SPOCK1: variants seen among roughly 807,000 people sequenced by gnomAD.
SPOCK1 encodes testican-1.
Under a neutral mutation model 55.3 loss-of-function variants are expected in SPOCK1, and 23 were observed. That is an observed-to-expected ratio of 0.42 (90% CI 0.30 to 0.59). SPOCK1 has a LOEUF of 0.59. Among genes scored for constraint, SPOCK1 ranks in the 20% least tolerant of loss-of-function variants. SPOCK1 has a pLI of 0.22. For synonymous variants in SPOCK1, 226 were observed against 221.0 expected (o/e 1.02, Z -0.20); for missense variants, 499 against 552.5 (o/e 0.90, Z 0.97).
At chr5:137,432,108 TAAC>T (rs1489597328) in intron 2 of SPOCK1, among the ~76,000 whole-genome samples, 1 of 152,004 alleles carries the variant, frequency 6.6e-6, no homozygotes, top group East Asian at 1.9e-4. Flanking sequence ...ACCCAGAAAA[TAAC>T]AAGTGTTGGT....
At chr5:137,149,422 T>A (rs946213899) in intron 3 of SPOCK1, among the ~76,000 whole-genome samples, 3 of 152,182 alleles carry the variant, frequency 2.0e-5, no homozygotes, top group African/African-American at 7.2e-5. Flanking sequence ...ATAATTGACA[T>A]AAATTATTCA....
intron 3 of SPOCK1, among the ~76,000 whole-genome samples, chr5:137,228,753 C>T (rs1755996597): frequency 6.6e-6 from 1 of 152,142 alleles, no homozygotes; most frequent in African/African-American, 2.4e-5. Flanking sequence ...TTAAAAATCA[C>T]CTCCAAGAAT....
At chr5:137,423,205 G>A (rs1024105970) in intron 2 of SPOCK1, among the ~76,000 whole-genome samples, 1 of 152,228 alleles carries the variant, frequency 6.6e-6, no homozygotes, top group African/African-American at 2.4e-5. Flanking sequence ...ACTGGGGGGT[G>A]CCTCCCAGTT....
At chr5:137,497,889 T>C (rs2149847188) in intron 2 of SPOCK1, among the ~76,000 whole-genome samples, 1 of 150,488 alleles carries the variant, frequency 6.6e-6, no homozygotes, top group South Asian at 2.1e-4. Flanking sequence ...CTCCCATAAA[T>C]AGCTCCCCCA....
chr5:137,135,504 GT>G (rs1249724406), intron 4 of SPOCK1, among the ~76,000 whole-genome samples: 3 of 152,180 alleles, frequency 2.0e-5, no homozygotes, highest in African/African-American at 7.2e-5. Flanking sequence ...ATAGCACAAG[GT>G]TGTAATAAAA....
At chr5:137,421,951 A>G (rs1429402366) in intron 2 of SPOCK1, among the ~76,000 whole-genome samples, 1 of 152,004 alleles carries the variant, frequency 6.6e-6, no homozygotes, top group Non-Finnish European at 1.5e-5. Flanking sequence ...GTTCCTTTCC[A>G]TGTTTAGTGC....
At chr5:137,287,388 C>G (rs1207499059) in intron 2 of SPOCK1, among the ~76,000 whole-genome samples, 1 of 152,184 alleles carries the variant, frequency 6.6e-6, no homozygotes, top group Non-Finnish European at 1.5e-5. Context: ...TGCCTCAGGG[C>G]TCGACGAGAC....
intron 2 of SPOCK1, among the ~76,000 whole-genome samples, chr5:137,347,039 C>CCA (rs2127158947): frequency 1.3e-5 from 2 of 152,252 alleles, no homozygotes; most frequent in Admixed American, 1.3e-4. Context: ...CTCAAAGGCA[C>CCA]CACTTACCTC....
chr5:137,225,926 C>T (rs1365258401), intron 3 of SPOCK1, among the ~76,000 whole-genome samples: 2 of 152,200 alleles, frequency 1.3e-5, no homozygotes, highest in Non-Finnish European at 2.9e-5. Flanking sequence ...TAGGTCTCCC[C>T]CCAGAGAGCA....
chr5:137,311,322 G>T (rs1057079510), intron 2 of SPOCK1, among the ~76,000 whole-genome samples: 1 of 152,140 alleles, frequency 6.6e-6, no homozygotes, highest in Non-Finnish European at 1.5e-5. Flanking sequence ...TGGGAAGGAG[G>T]GTGACTGCAA....
intron 4 of SPOCK1, among the ~76,000 whole-genome samples, chr5:137,130,442 C>A (rs1270789717): frequency 6.6e-6 from 1 of 152,168 alleles, no homozygotes; most frequent in Non-Finnish European, 1.5e-5. Flanking sequence ...ATTAATGATC[C>A]ATAACCCACA....
chr5:137,187,978 A>G (rs1755107138), intron 3 of SPOCK1, among the ~76,000 whole-genome samples: 2 of 152,212 alleles, frequency 1.3e-5, no homozygotes, highest in Admixed American at 1.3e-4. Flanking sequence ...TTAGAAGGTT[A>G]TCCTTCCACC....
intron 2 of SPOCK1, among the ~76,000 whole-genome samples, chr5:137,483,896 T>C (rs1029054643): frequency 2.0e-5 from 3 of 152,230 alleles, no homozygotes; most frequent in Non-Finnish European, 4.4e-5. Context: ...TCGTTCATGA[T>C]GCTGAGACAG....
chr5:136,994,122 T>C (rs985785189), intron 6 of SPOCK1, among the ~76,000 whole-genome samples: 3 of 152,176 alleles, frequency 2.0e-5, no homozygotes, highest in Non-Finnish European at 4.4e-5. Context: ...CTGGGGACTC[T>C]CATTTACGAC....
At chr5:137,200,092 T>C (rs1755397833) in intron 3 of SPOCK1, among the ~76,000 whole-genome samples, 1 of 152,202 alleles carries the variant, frequency 6.6e-6, no homozygotes, top group Admixed American at 6.5e-5. Context: ...TGTGATCCCA[T>C]GATATCACTC....
intron 2 of SPOCK1, among the ~76,000 whole-genome samples, chr5:137,314,749 T>A (rs1055987377): frequency 1.3e-5 from 2 of 152,048 alleles, no homozygotes; most frequent in South Asian, 2.1e-4. Flanking sequence ...GGTTTTAGAG[T>A]GCATGGACCA....
intron 7 of SPOCK1, among the ~76,000 whole-genome samples, chr5:136,991,224 G>A (rs1481505317): frequency 6.6e-6 from 1 of 151,962 alleles, no homozygotes; most frequent in Non-Finnish European, 1.5e-5. Flanking sequence ...AAACCCAAGG[G>A]TCAGGCTGCT....
chr5:137,059,991 C>A (rs377252898), intron 6 of SPOCK1, among the ~76,000 whole-genome samples: 1 of 152,192 alleles, frequency 6.6e-6, no homozygotes, highest in African/African-American at 2.4e-5. Flanking sequence ...CACTTATATA[C>A]TGCTGATGGG....
intron 6 of SPOCK1, among the ~76,000 whole-genome samples, chr5:137,013,568 A>C (rs1183428460): frequency 2.0e-5 from 3 of 152,152 alleles, no homozygotes; most frequent in Non-Finnish European, 4.4e-5. Context: ...CCTAGAGAAC[A>C]TTTTTTATTC....
Sources: gnomAD v4.1 joint callset for allele counts (sites outside exome capture counted in the v4.1 genomes callset) on GRCh38, gnomAD v4.1.1 for gene constraint, MANE v1.5 for transcripts, NCBI Gene and HGNC (gene_info 2026-07-23, HGNC 2026-07-21) for gene names.